Variants in ZNF628 observed in about 807,000 individuals in gnomAD.
The protein encoded by ZNF628 is zinc finger protein 628.
In ZNF628, 3 loss-of-function variants were observed where a neutral mutation model predicts 2.5. That is an observed-to-expected ratio of 1.19 (90% confidence interval 0.54 to 3.07). ZNF628 has a LOEUF of 3.07. Among genes scored for constraint, ZNF628 ranks in the 30% most tolerant of loss-of-function variants. The probability of loss-of-function intolerance (pLI) is 0.03; values close to 1 mark genes in which losing one functional copy is unlikely to be tolerated. For missense variants in ZNF628, 1,610 were observed against 1,517.1 expected (o/e 1.06, Z -1.02); for synonymous variants, 861 against 717.1 (o/e 1.20, Z -3.21).
At position 55,479,083 on chromosome 19, in the gene ZNF628, GGACA is replaced by G. The variant is rs1986634928; in HGVS notation, c.-77-744_-77-741del. On this transcript the variant is annotated intron_variant, in intron 1 of 2. Transcript: ENST00000598519. This position sits in a 1 kb window ranked among gnomAD's most constrained non-coding sequence, Gnocchi z 5.1. ...GTGGGTGGGGGCTCCCAGGGAGAGA[GGACA>G]GACAGAGGACAAAGTGGTGCCGGAG... 6.6e-6 allele frequency among the ~76,000 whole-genome samples: 1 copy of G among 152,138 alleles called. No homozygotes were observed. The highest frequency in any genetic ancestry group is 2.1e-4 in the South Asian group (1 of 4,830).
At position 55,484,397 on chromosome 19, in the gene ZNF628, G is replaced by T; in HGVS notation, c.*24G>T. 1.4e-6 allele frequency: 2 copies of T among 1,430,930 alleles called. No homozygotes were observed. The highest frequency in any genetic ancestry group is 3.0e-5 in the South Asian group (2 of 66,300). 88.6% of individuals were successfully genotyped at this position (1,430,930 alleles called of 1,614,324 possible). A position where few individuals can be genotyped will look rare whatever the true frequency, so the allele number is the denominator to read the frequency against. On this transcript the variant is annotated 3_prime_UTR_variant, in exon 3 of 3. Coordinates refer to ENST00000598519, the MANE Select transcript of ZNF628 (RefSeq NM_033113.3). ...GAGGAGAGGCAGTGATTCCCCTCCC[G>T]CCCCGCACAGAGACCCCGACTCACT...
Position 55,481,186 on chromosome 19 carries a change from G to A in ZNF628, c.8-15G>A. The A allele has an allele frequency of 6.6e-7, 1 of 1,515,786 alleles. No homozygotes were observed. The highest frequency in any genetic ancestry group is 8.8e-7 in the Non-Finnish European group (1 of 1,134,906). 93.9% of individuals were successfully genotyped at this position (1,515,786 alleles called of 1,614,324 possible). On this transcript the variant is annotated splice_polypyrimidine_tract_variant and intron_variant, in intron 2 of 2. Coordinates refer to ENST00000598519, the MANE Select transcript of ZNF628 (RefSeq NM_033113.3). ...AGTGCGGGGGTGAGCCGCTGACCCA[G>A]AATCCCTCCCCCAGGTGTGATGGTC...
rs1475251224 is a variant in ZNF628 at position 55,479,559 on chromosome 19, C to T, written c.-77-275C>T. 1.3e-5 allele frequency among the ~76,000 whole-genome samples: 2 copies of T among 152,138 alleles called. No individual in the cohort carries two copies. The highest frequency in any genetic ancestry group is 2.1e-4 in the South Asian group (1 of 4,824). On this transcript the variant is annotated intron_variant, in intron 1 of 2. Coordinates refer to ENST00000598519, the MANE Select transcript of ZNF628 (RefSeq NM_033113.3). This position sits in a 1 kb window ranked among gnomAD's most constrained non-coding sequence, Gnocchi z 5.1. The stretch of plus-strand genomic sequence containing the variant: ...GTCAGGCCTGTGGGGAAGGATTGCG[C>T]AGGGTTTCTGGACCTCGCACTGCTG...
At position 55,483,222 on chromosome 19, in the gene ZNF628, G is replaced by A; in HGVS notation, c.2029G>A (p.Asp677Asn). 3 of 1,541,126 alleles carry A rather than the reference G, an allele frequency of 1.9e-6. No homozygotes were observed. Among genetic ancestry groups the A allele is most frequent in the Non-Finnish European group, 2.6e-6 (3 of 1,149,756 alleles). ...AAARAPPATQDVHVLPHLQAT... is the reference protein window; with the variant it reads ...AAARAPPATQNVHVLPHLQAT... ...TGCGCGGGCCCCGCCAGCCACCCAA[G>A]ATGTCCACGTCCTGCCCCACCTCCA... The change falls in exon 3 of 3, where the codon GAT becomes AAT. Residue 677 changes from aspartate to asparagine, a missense_variant. Asp to Asn is a conservative substitution (Grantham distance 23). Transcript: ENST00000598519.
chr19:55,483,128 C>A lies in ZNF628; in HGVS notation c.1935C>A (p.Ala645=). 2 of 1,591,842 alleles carry A rather than the reference C, an allele frequency of 1.3e-6. No individual in the cohort carries two copies. Among genetic ancestry groups the A allele is most frequent in the African/African-American group, 1.3e-5 (1 of 74,758 alleles). ...TGCAGCGGCACCTGAGGACGCACGCCCCGGCCAACACGCCTCCCAGCACCA... is the reference window on the plus strand; with the variant it reads ...TGCAGCGGCACCTGAGGACGCACGCACCGGCCAACACGCCTCCCAGCACCA... The part of the protein sequence containing the change: ...AYLQRHLRTH[A]PANTPPSTTA... Residue 645 remains alanine, a synonymous_variant, in exon 3 of 3, where the codon GCC becomes GCA. Coordinates refer to ENST00000598519, the MANE Select transcript of ZNF628 (RefSeq NM_033113.3).
In ZNF628 at chr19:55,482,845, C is replaced by G. The variant is rs757188932; in HGVS notation, c.1652C>G (p.Ser551Trp). 5 of 1,603,118 alleles carry G rather than the reference C, an allele frequency of 3.1e-6. No homozygotes were observed. In the Admixed American group the frequency reaches 5.0e-5, roughly 16 times the overall value. ...GECGKAFRNT[S>W]CLRRHRHVHT... is the part of the protein sequence containing the mutation. ...TGTGGCAAGGCCTTCCGCAACACGT[C>G]GTGCCTGCGTCGCCACCGCCACGTG... Residue 551 changes from serine to tryptophan, a missense_variant, in exon 3 of 3, where the codon TCG (serine) becomes TGG (tryptophan). Ser to Trp is a radical substitution (Grantham distance 177). Transcript: ENST00000598519.
At position 55,484,336 on chromosome 19, in the gene ZNF628, A is replaced by G; in HGVS notation, c.3143A>G (p.Gln1048Arg). The G allele has an allele frequency of 6.8e-7, 1 of 1,471,264 alleles. No individual in the cohort carries two copies. 91.1% of individuals were successfully genotyped at this position (1,471,264 alleles called of 1,614,324 possible). A position where few individuals can be genotyped will look rare whatever the true frequency, so the allele number is the denominator to read the frequency against. Residue 1048 changes from glutamine to arginine, a missense_variant, in exon 3 of 3, where the codon CAG becomes CGG. This residue lies in a region of ZNF628 where 712 missense variants were observed against 603.6 expected (regional missense o/e 1.18). Coordinates refer to ENST00000598519, the MANE Select transcript of ZNF628 (RefSeq NM_033113.3). ...PQGLPSIQIV[Q>R]TLPAVQLVHT... ...GGCCTGCCCTCCATCCAGATTGTCC[A>G]GACTCTACCCGCAGTCCAGCTGGTG...
rs1454626447 is a variant in ZNF628 at position 55,481,830 on chromosome 19, T to C, written c.637T>C (p.Phe213Leu). Residue 213 changes from phenylalanine to leucine, a missense_variant, in exon 3 of 3, where the codon TTC becomes CTC. Physicochemically the swap from Phe to Leu is conservative, Grantham distance 22. This residue lies in a region of ZNF628 where 651 missense variants were observed against 575.6 expected (regional missense o/e 1.13). Coordinates refer to ENST00000598519, the MANE Select transcript of ZNF628 (RefSeq NM_033113.3). ...CCGCTGCCCGCTCTGCCCCAAGACC[T>C]TCACCCACTCCTCCAACCTGCTGCT... ...PFRCPLCPKT[F>L]THSSNLLLHQ... 1.9e-6 allele frequency: 3 copies of C among 1,595,752 alleles called. No individual in the cohort carries two copies. Among genetic ancestry groups the C allele is most frequent in the Non-Finnish European group, 2.6e-6 (3 of 1,172,656 alleles).
Position 55,479,922 on chromosome 19 carries a change from T to TC in ZNF628, c.7+6dup. The TC allele has an allele frequency of 2.5e-6, 1 of 399,952 alleles. No homozygotes were observed. Among genetic ancestry groups the TC allele is most frequent in the Middle Eastern group, 6.3e-4 (1 of 1,596 alleles). 24.8% of individuals were successfully genotyped at this position (399,952 alleles called of 1,614,324 possible). A position where few individuals can be genotyped will look rare whatever the true frequency, so the allele number is the denominator to read the frequency against. ...CAGGAGAAAGAAGCATGTCAGGTAG[T>TC]CACCTGGGGAGTGCATGGGCCAGAG... On this transcript the variant is annotated splice_donor_region_variant and intron_variant, in intron 2 of 2. Transcript: ENST00000598519. The surrounding 1 kb of genome is among the most constrained non-coding windows in gnomAD (Gnocchi z 5.1).
In ZNF628 at chr19:55,483,368, C is replaced by G; in HGVS notation, c.2175C>G (p.Pro725=). ...CTGCCCAGGGCCTCCAGCTGATCCC[C>G]AGCAGCGTGCAGCCCCCTACACCTC... ...VQTAQGLQLI[P]SSVQPPTPPP... Residue 725 remains proline (P), a synonymous_variant, in exon 3 of 3, where the codon CCC becomes CCG. Coordinates refer to ENST00000598519, the MANE Select transcript of ZNF628 (RefSeq NM_033113.3). The G allele has an allele frequency of 6.5e-7, 1 of 1,542,028 alleles. No homozygotes were observed. Among genetic ancestry groups the G allele is most frequent in the South Asian group, 1.2e-5 (1 of 83,698 alleles).
Position 55,481,295 on chromosome 19 carries a change from C to T in ZNF628, c.102C>T (p.Ala34=), listed in dbSNP as rs1197478876. ...KPGPAAPAPA[A]QYECGECGKS... ...GCCCTGCGGCCCCTGCCCCGGCGGC[C>T]CAGTACGAATGTGGGGAGTGTGGCA... The change falls in exon 3 of 3, where the codon GCC becomes GCT. Residue 34 remains alanine, a synonymous_variant. Coordinates refer to ENST00000598519, the MANE Select transcript of ZNF628 (RefSeq NM_033113.3). 1 of 1,607,222 alleles carries T rather than the reference C, an allele frequency of 6.2e-7. No homozygotes were observed. Among genetic ancestry groups the T allele is most frequent in the African/African-American group, 1.3e-5 (1 of 74,884 alleles).
Position 55,482,819 on chromosome 19 carries a change from G to A in ZNF628, c.1626G>A (p.Glu542=), listed in dbSNP as rs1157243827. 1 of 1,610,860 alleles carries A rather than the reference G, an allele frequency of 6.2e-7. No individual in the cohort carries two copies. The highest frequency in any genetic ancestry group is 1.3e-5 in the African/African-American group (1 of 74,792). Residue 542 remains glutamate (E), a synonymous_variant, in exon 3 of 3, where the codon GAG becomes GAA. Transcript: ENST00000598519. ...GCGAGCGGCCCTACGCCTGCGGGGA[G>A]TGTGGCAAGGCCTTCCGCAACACGT... ...HSGERPYACG[E]CGKAFRNTSC...
intron 2 of ZNF628, among the ~76,000 whole-genome samples, 190 bp downstream of exon 2, chr19:55,480,107 G>A (rs1386419175): frequency 6.6e-6 from 1 of 152,120 alleles, no homozygotes; most frequent in Non-Finnish European, 1.5e-5. Context: ...TTGGCTGGAG[G>A]TGAAAGGGCG....
At position 55,482,064 on chromosome 19, in the gene ZNF628, G is replaced by A; in HGVS notation, c.871G>A (p.Val291Met). 2.0e-6 allele frequency: 3 copies of A among 1,500,594 alleles called. 1 individual carries two copies. Among genetic ancestry groups the A allele is most frequent in the Middle Eastern group, 4.2e-4 (2 of 4,744 alleles). The allele number at this position is 1,500,594 out of a possible 1,614,324, so 93.0% of individuals were successfully genotyped here. Reference protein sequence around the residue: ...ELFLAAAETTVELVYRCDGCE... With the variant: ...ELFLAAAETTMELVYRCDGCE... ...CTTTTTGGCGGCGGCGGAGACCACG[G>A]TGGAGCTGGTGTACCGCTGCGATGG... Residue 291 changes from valine to methionine, a missense_variant, in exon 3 of 3, where the codon GTG becomes ATG. Physicochemically the swap from Val to Met is conservative, Grantham distance 21 (BLOSUM62 1). Around this residue, in one of 5 missense-constraint regions of ZNF628, gnomAD observed 651 missense variants for 575.6 expected, o/e 1.13. Coordinates refer to ENST00000598519, the MANE Select transcript of ZNF628 (RefSeq NM_033113.3).
chr19:55,477,738 G>A (rs373472244), intron 1 of ZNF628, among the ~76,000 whole-genome samples: 1 of 151,114 alleles, frequency 6.6e-6, no homozygotes, highest in Non-Finnish European at 1.5e-5. Context: ...CTCCAGCCTC[G>A]GTGACAGAGT....
chr19:55,484,138 C>T lies in ZNF628; in HGVS notation c.2945C>T (p.Ala982Val). The T allele has an allele frequency of 1.3e-6, 2 of 1,587,218 alleles. No homozygotes were observed. Among genetic ancestry groups the T allele is most frequent in the Non-Finnish European group, 1.7e-6 (2 of 1,168,708 alleles). Reference protein sequence around the residue: ...QKLLIIRSAPATELLDSSNTG... With the variant: ...QKLLIIRSAPVTELLDSSNTG... ...CTCCTCATCATCCGCAGCGCCCCAG[C>T]CACTGAGCTGCTGGACAGCAGCAAC... Residue 982 changes from alanine (A) to valine (V), a missense_variant, in exon 3 of 3, where the codon GCC becomes GTC. By Grantham distance (64) the Ala-to-Val change is moderately conservative. Coordinates refer to ENST00000598519, the MANE Select transcript of ZNF628 (RefSeq NM_033113.3).
chr19:55,483,702 G>C lies in ZNF628; in HGVS notation c.2509G>C (p.Ala837Pro). 1.2e-6 allele frequency: 2 copies of C among 1,613,616 alleles called. No individual in the cohort carries two copies. Among genetic ancestry groups the C allele is most frequent in the East Asian group, 2.2e-5 (1 of 44,868 alleles). ...PEVTTVQLQP[A>P]QEVTTVQLQP... ...AGTAACCACGGTCCAGCTCCAGCCA[G>C]CGCAGGAGGTGACCACAGTCCAGCT... Residue 837 changes from alanine (A) to proline (P), a missense_variant, in exon 3 of 3, where the codon GCG (alanine) becomes CCG (proline). By Grantham distance (27) the Ala-to-Pro change is conservative. Transcript: ENST00000598519.
chr19:55,477,665 G>A (rs1393282736), intron 1 of ZNF628, among the ~76,000 whole-genome samples: 2 of 152,120 alleles, frequency 1.3e-5, no homozygotes, highest in Non-Finnish European at 2.9e-5. Flanking sequence ...GGGAGGCTGA[G>A]GCAGGAGAAT....
At chr19:55,477,835 A>C (rs867616882) in intron 1 of ZNF628, among the ~76,000 whole-genome samples, 4 of 152,270 alleles carry the variant, frequency 2.6e-5, no homozygotes, top group Middle Eastern at 3.4e-3. Flanking sequence ...ATTCATTTAA[A>C]ATTTGTTTAC....
Sources: gnomAD v4.1 joint callset for allele counts (sites outside exome capture counted in the v4.1 genomes callset) on GRCh38, gnomAD v4.1.1 for gene constraint, gnomAD v4.1.1 regional missense constraint, Gnocchi (gnomAD v3.1) non-coding constraint, MANE v1.5 for transcripts, NCBI Gene and HGNC (gene_info 2026-07-23, HGNC 2026-07-21) for gene names.